CFAP77: variants seen among roughly 807,000 people sequenced by gnomAD.
CFAP77 encodes cilia- and flagella-associated protein 77.
A neutral mutation model predicts 31.1 loss-of-function variants in CFAP77; 25 were observed. The observed-to-expected ratio is 0.80, with a 90% CI of 0.59 to 1.12. CFAP77 has a LOEUF of 1.12. Among genes scored for constraint, CFAP77 ranks in the 50% most tolerant of loss-of-function variants. The probability of loss-of-function intolerance (pLI) is 0.00; values close to 1 mark genes in which losing one functional copy is unlikely to be tolerated. For synonymous variants in CFAP77, 151 were observed against 159.9 expected (o/e 0.94, Z 0.42); for missense variants, 377 against 397.3 (o/e 0.95, Z 0.44).
In CFAP77 at chr9:132,438,537, ATATATTT is replaced by A. The variant is rs1408134540; in HGVS notation, c.195+28073_195+28079del. Among the ~76,000 whole-genome samples, 248 of 116,164 alleles carry A rather than the reference ATATATTT, an allele frequency of 2.1e-3. 5 individuals carry two copies. Among genetic ancestry groups the A allele is most frequent in the African/African-American group, 9.5e-3 (233 of 24,544 alleles). The allele number at this position is 116,164 out of a possible 152,430, so 76.2% of individuals were successfully genotyped here. A position where few individuals can be genotyped will look rare whatever the true frequency, so the allele number is the denominator to read the frequency against. The stretch of plus-strand genomic sequence containing the variant: ...AGATATGGTATATATATATATATAT[ATATATTT>A]TTTTTTTTTTTTTTAGACAGGGTCT... On this transcript the variant is annotated intron_variant, in intron 1 of 5. Transcript: ENST00000393216.
In CFAP77 at chr9:132,481,306, C is replaced by G. The variant is rs75438782; in HGVS notation, c.196-17389C>G. Among the ~76,000 whole-genome samples, 169 of 152,328 alleles carry G rather than the reference C, an allele frequency of 1.1e-3. 1 individual carries two copies. The East Asian group carries it at 0.026, about 23-fold the overall frequency. ...GGATGGTGGCCCCTCACTGTCACCT[C>G]TGGACAGTCTCACAGACATCCCTCC... On this transcript the variant is annotated intron_variant, in intron 1 of 5. Transcript: ENST00000393216. This position sits in a 1 kb window ranked among gnomAD's most constrained non-coding sequence, Gnocchi z 5.0.
At chr9:132,550,263 G>A (rs573836055) in intron 5 of CFAP77, among the ~76,000 whole-genome samples, 9 of 152,148 alleles carry the variant, frequency 5.9e-5, no homozygotes, top group African/African-American at 1.2e-4. Flanking sequence ...AAAATATTTC[G>A]GTTTTTTGTT....
intron 3 of CFAP77, among the ~76,000 whole-genome samples, chr9:132,535,711 CAATAAATAAATAAATA>C (rs34927880): frequency 1.4e-4 from 21 of 148,062 alleles, no homozygotes; most frequent in East Asian, 8.0e-4. Context: ...GACTCCACCT[CAATAAATAAATAAATA>C]AATAAATAAA....
At position 132,424,611 on chromosome 9, in the gene CFAP77, C is replaced by G. The variant is rs540033565; in HGVS notation, c.195+14145C>G. On this transcript the variant is annotated intron_variant, in intron 1 of 5. Coordinates refer to ENST00000393216, the MANE Select transcript of CFAP77 (RefSeq NM_001282957.2). The surrounding 1 kb of genome is among the most constrained non-coding windows in gnomAD (Gnocchi z 4.1). Reference sequence around the variant, plus strand: ...ACCAAGAAGGCGGCAGAGGGAGGTTCCTGGGAAAGGGATGCTGGGATCAGG... The same window carrying G: ...ACCAAGAAGGCGGCAGAGGGAGGTTGCTGGGAAAGGGATGCTGGGATCAGG... 5.9e-5 allele frequency among the ~76,000 whole-genome samples: 9 copies of G among 152,250 alleles called. No homozygotes were observed. Among genetic ancestry groups the G allele is most frequent in the South Asian group, 4.1e-4 (2 of 4,824 alleles).
chr9:132,422,090 C>A (rs1218392862), intron 1 of CFAP77, among the ~76,000 whole-genome samples: 7 of 151,846 alleles, frequency 4.6e-5, no homozygotes, highest in Non-Finnish European at 7.4e-5. Context: ...CTCATTGCAA[C>A]CTCCGCCACC....
At chr9:132,450,794 C>T (rs908753145) in intron 1 of CFAP77, among the ~76,000 whole-genome samples, 2 of 152,138 alleles carry the variant, frequency 1.3e-5, no homozygotes, top group African/African-American at 4.8e-5. Context: ...AGAGAGAGCC[C>T]GGATTGGAGC....
intron 1 of CFAP77, among the ~76,000 whole-genome samples, chr9:132,467,203 A>C (rs1328782466): frequency 6.6e-6 from 1 of 152,176 alleles, no homozygotes; most frequent in Non-Finnish European, 1.5e-5. Context: ...CATAAAATAT[A>C]CATAACAAAA....
At chr9:132,555,204 G>T (rs1452026132) in intron 5 of CFAP77, among the ~76,000 whole-genome samples, 1 of 152,110 alleles carries the variant, frequency 6.6e-6, no homozygotes, top group African/African-American at 2.4e-5. Context: ...GACTTGTCAG[G>T]CTTAGCCTCG....
chr9:132,513,912 TGAG>T (rs1270031632), intron 3 of CFAP77, among the ~76,000 whole-genome samples: 1 of 131,222 alleles, frequency 7.6e-6, no homozygotes, highest in Non-Finnish European at 1.7e-5. Context: ...CGGGTGACTG[TGAG>T]GAGATGACCC....
intron 1 of CFAP77, among the ~76,000 whole-genome samples, chr9:132,472,149 A>C (rs547059254): frequency 1.3e-5 from 2 of 152,280 alleles, no homozygotes; most frequent in South Asian, 4.1e-4. Flanking sequence ...TACTCAGAAA[A>C]CATCAAGTTT....
At chr9:132,567,033 G>A (rs757033822) in intron 5 of CFAP77, among the ~76,000 whole-genome samples, 2 of 152,228 alleles carry the variant, frequency 1.3e-5, no homozygotes, top group East Asian at 1.9e-4. Context: ...AACAGGCCAC[G>A]AGCAGACCCT....
At chr9:132,420,520 G>A (rs1239393203) in intron 1 of CFAP77, among the ~76,000 whole-genome samples, 1 of 151,882 alleles carries the variant, frequency 6.6e-6, no homozygotes, top group Non-Finnish European at 1.5e-5. Flanking sequence ...AAAATTCTGG[G>A]CATGGTGGTG....
intron 1 of CFAP77, among the ~76,000 whole-genome samples, chr9:132,463,472 G>A (rs1036819964): frequency 2.6e-5 from 4 of 152,232 alleles, no homozygotes; most frequent in South Asian, 2.1e-4. Flanking sequence ...GAATGAAGTC[G>A]GAAGCTTGCT....
chr9:132,411,538 G>A (rs987571344), intron 1 of CFAP77, among the ~76,000 whole-genome samples: 1 of 152,154 alleles, frequency 6.6e-6, no homozygotes, highest in African/African-American at 2.4e-5. Context: ...CCTGGGGGAG[G>A]CTGGCTTCCC....
rs994549998 is a variant in CFAP77 at position 132,570,071 on chromosome 9, C to T, written c.733-2317C>T. ...TAGGAGCCATGGGCCTCAGGAAGAT[C>T]GTGTCACAGTGTAAACATCAGGCCA... is the stretch of plus-strand genomic sequence containing the variant. On this transcript the variant is annotated intron_variant, in intron 5 of 5. Transcript: ENST00000393216. Among the ~76,000 whole-genome samples, 6 of 152,282 alleles carry T rather than the reference C, an allele frequency of 3.9e-5. No individual in the cohort carries two copies. The South Asian group carries it at 1.0e-3, about 26-fold the overall frequency.
intron 3 of CFAP77, among the ~76,000 whole-genome samples, chr9:132,519,235 G>C (rs1435134026): frequency 6.9e-6 from 1 of 145,106 alleles, no homozygotes; most frequent in African/African-American, 2.6e-5. Context: ...TGGATGGTTG[G>C]GTGGATGGAT....
Position 132,551,172 on chromosome 9 carries a change from G to A in CFAP77, c.732+8125G>A, listed in dbSNP as rs142718436. ...CAGTTTGACCAAAGTCCAGTAGCTG[G>A]GAGAGTGGAGGGGAGAAGTTATCCT... On this transcript the variant is annotated intron_variant, in intron 5 of 5. Transcript: ENST00000393216. Among the ~76,000 whole-genome samples, 8 of 152,242 alleles carry A rather than the reference G, an allele frequency of 5.3e-5. No individual in the cohort carries two copies. In the East Asian group the frequency reaches 1.5e-3, roughly 29 times the overall value.
At chr9:132,461,232 T>C (rs1422556684) in intron 1 of CFAP77, among the ~76,000 whole-genome samples, 1 of 152,088 alleles carries the variant, frequency 6.6e-6, no homozygotes. Flanking sequence ...AGATGGAACA[T>C]GAGAGGAGGA....
chr9:132,477,244 A>T (rs921857603), intron 1 of CFAP77, among the ~76,000 whole-genome samples: 2 of 152,144 alleles, frequency 1.3e-5, no homozygotes, highest in African/African-American at 4.8e-5. Context: ...CTAATCTGTA[A>T]ACCCGGCACA....
Sources: allele counts gnomAD v4.1 joint callset (sites outside exome capture counted in the v4.1 genomes callset), GRCh38; gene constraint gnomAD v4.1.1; non-coding constraint Gnocchi (gnomAD v3.1); transcripts MANE v1.5; gene names NCBI Gene and HGNC (gene_info 2026-07-23, HGNC 2026-07-21).